Variants in SORCS2 observed in about 807,000 individuals in gnomAD.
SORCS2 encodes VPS10 domain-containing receptor SorCS2.
SORCS2 carries 100 observed loss-of-function variants against 141.6 expected under a neutral mutation model. The observed-to-expected ratio is 0.71, with a 90% CI of 0.60 to 0.83. The LOEUF is 0.83. SORCS2 is among the 40% of genes least tolerant of loss of function. The pLI is 0.00. For missense variants in SORCS2, 1,646 were observed against 1,560.2 expected (o/e 1.05, Z -0.93); for synonymous variants, 789 against 676.9 (o/e 1.17, Z -2.57).
chr4:7,259,733 T>C (rs1714185524), intron 1 of SORCS2, among the ~76,000 whole-genome samples: 6 of 152,234 alleles, frequency 3.9e-5, no homozygotes, highest in Admixed American at 3.9e-4. Flanking sequence ...CTTCTAGTCA[T>C]CATCTCATTC....
intron 1 of SORCS2, among the ~76,000 whole-genome samples, chr4:7,204,026 T>A (rs1418442968): frequency 6.6e-6 from 1 of 152,214 alleles, no homozygotes; most frequent in South Asian, 2.1e-4. Context: ...AATATTCCAC[T>A]GTATGGACAC....
chr4:7,656,438 C>T (rs2108904348), intron 5 of SORCS2, among the ~76,000 whole-genome samples: 1 of 152,386 alleles, frequency 6.6e-6, no homozygotes, highest in East Asian at 1.9e-4. Context: ...CCACGGCATC[C>T]CCACAGCAGC....
rs1722292053 is a variant in SORCS2, at chr4:7,663,240, T to G, written c.953-1113T>G. On this transcript the variant is annotated intron_variant, in intron 6 of 26. Coordinates refer to ENST00000507866, the MANE Select transcript of SORCS2 (RefSeq NM_020777.3). The surrounding 1 kb of genome is among the most constrained non-coding windows in gnomAD (Gnocchi z 4.8). ...AATGAGTGAGTGAAGAGTGAATAAG[T>G]GAGTGAGTGAAGAGTGAATAAGTGA... Among the ~76,000 whole-genome samples, 1 of 150,048 alleles carries G rather than the reference T, an allele frequency of 6.7e-6. No homozygotes were observed. The highest frequency in any genetic ancestry group is 1.5e-5 in the Non-Finnish European group (1 of 67,704).
intron 3 of SORCS2, among the ~76,000 whole-genome samples, chr4:7,594,251 G>A (rs1001823816): frequency 1.3e-5 from 2 of 152,152 alleles, no homozygotes; most frequent in Non-Finnish European, 2.9e-5. Context: ...CTACCTCTGC[G>A]GCTGTGGCAG....
intron 2 of SORCS2, among the ~76,000 whole-genome samples, chr4:7,468,700 T>G (rs1729776230): frequency 6.6e-6 from 1 of 152,244 alleles, no homozygotes; most frequent in African/African-American, 2.4e-5. Flanking sequence ...TCCCAGCTGC[T>G]TATTTTGGAT....
rs998367792 is a variant in SORCS2, at chr4:7,697,293, G to T, written c.1668+19G>T. Reference sequence around the variant, plus strand: ...GCGGCAGGTAAGCTGGCTGGGAGGTGCCTGGTACCCCCCACCCCATCCAGC... The same window carrying T: ...GCGGCAGGTAAGCTGGCTGGGAGGTTCCTGGTACCCCCCACCCCATCCAGC... On this transcript the variant is annotated intron_variant, in intron 12 of 26. Coordinates refer to ENST00000507866, the MANE Select transcript of SORCS2 (RefSeq NM_020777.3). 3 of 1,566,844 alleles carry T rather than the reference G, an allele frequency of 1.9e-6. No individual in the cohort carries two copies. The highest frequency in any genetic ancestry group is 2.6e-6 in the Non-Finnish European group (3 of 1,154,940).
rs930080057 is a variant in SORCS2, at chr4:7,664,711, C to T, written c.1071+240C>T. On this transcript the variant is annotated intron_variant, in intron 7 of 26. Coordinates refer to ENST00000507866, the MANE Select transcript of SORCS2 (RefSeq NM_020777.3). This position sits in a 1 kb window ranked among gnomAD's most constrained non-coding sequence, Gnocchi z 4.7. Reference sequence around the variant, plus strand: ...GGCTCCACCTCCCTTCTGGCCACCACGAACCTCCCAGCCACTCGGGGTCCC... The same window carrying T: ...GGCTCCACCTCCCTTCTGGCCACCATGAACCTCCCAGCCACTCGGGGTCCC... Among the ~76,000 whole-genome samples the T allele has an allele frequency of 2.6e-5, 4 of 152,202 alleles. No individual in the cohort carries two copies. Among genetic ancestry groups the T allele is most frequent in the Non-Finnish European group, 5.9e-5 (4 of 68,044 alleles).
At chr4:7,349,435 G>A (rs546663294) in intron 1 of SORCS2, among the ~76,000 whole-genome samples, 1 of 152,164 alleles carries the variant, frequency 6.6e-6, no homozygotes. Context: ...GGTGTGGGCT[G>A]GGTGTCCTGC....
intron 2 of SORCS2, among the ~76,000 whole-genome samples, chr4:7,427,568 G>A (rs766012929): frequency 1.4e-4 from 21 of 152,146 alleles, no homozygotes; most frequent in South Asian, 1.0e-3. Flanking sequence ...GTGTTAGTGC[G>A]TTCTTGGGTT....
intron 3 of SORCS2, among the ~76,000 whole-genome samples, chr4:7,600,825 A>G (rs144866379): frequency 3.9e-5 from 6 of 152,256 alleles, no homozygotes; most frequent in African/African-American, 1.4e-4. Flanking sequence ...ATGGAGATAC[A>G]CTAGTTTACT....
At chr4:7,417,720 C>T (rs759876531) in intron 2 of SORCS2, among the ~76,000 whole-genome samples, 1 of 152,204 alleles carries the variant, frequency 6.6e-6, no homozygotes, top group Non-Finnish European at 1.5e-5. Context: ...CAGGCGTGCA[C>T]TCCTCTGGTC....
chr4:7,729,911 G>T (rs1482503775), intron 23 of SORCS2, among the ~76,000 whole-genome samples, 199 bp downstream of exon 23: 6 of 152,166 alleles, frequency 3.9e-5, no homozygotes, highest in African/African-American at 1.2e-4. Flanking sequence ...TAAGGTCACT[G>T]CGGCAGAGGT....
At chr4:7,724,432 ATAATGGTGACAATG>A (rs1726904719) in intron 19 of SORCS2, among the ~76,000 whole-genome samples, 1 of 107,868 alleles carries the variant, frequency 9.3e-6, no homozygotes, top group African/African-American at 4.0e-5. Context: ...GGTGGTGGTG[ATAATGGTGACAATG>A]GTGGTGGTGA....
At chr4:7,644,181 G>T (rs1720908900) in intron 4 of SORCS2, among the ~76,000 whole-genome samples, 3 of 152,208 alleles carry the variant, frequency 2.0e-5, no homozygotes, top group South Asian at 2.1e-4. Flanking sequence ...CCACCAGGAA[G>T]TTTCTACCTC....
intron 3 of SORCS2, among the ~76,000 whole-genome samples, chr4:7,571,130 T>C (rs1402240975): frequency 1.3e-5 from 2 of 152,230 alleles, no homozygotes; most frequent in African/African-American, 2.4e-5. Flanking sequence ...CTCATGCTGG[T>C]GTTTGTTCAA....
intron 4 of SORCS2, among the ~76,000 whole-genome samples, chr4:7,643,821 T>C (rs1720885559): frequency 6.6e-6 from 1 of 152,118 alleles, no homozygotes; most frequent in South Asian, 2.1e-4. Context: ...TTGGCTGCTG[T>C]GAATATCAGC....
At chr4:7,511,030 C>A (rs373496186) in intron 2 of SORCS2, among the ~76,000 whole-genome samples, 2 of 152,316 alleles carry the variant, frequency 1.3e-5, no homozygotes, top group South Asian at 2.1e-4. Flanking sequence ...GGTCCCCAGA[C>A]CTTTCTGTTG....
intron 8 of SORCS2, among the ~76,000 whole-genome samples, chr4:7,669,933 G>A (rs1204635127): frequency 6.6e-6 from 1 of 152,226 alleles, no homozygotes; most frequent in Non-Finnish European, 1.5e-5. Flanking sequence ...GTACCTTGTT[G>A]AGCTAAGCCA....
At chr4:7,713,686 C>T (rs930982075) in intron 15 of SORCS2, among the ~76,000 whole-genome samples, 2 of 152,120 alleles carry the variant, frequency 1.3e-5, no homozygotes, top group Admixed American at 1.3e-4. Flanking sequence ...CAAGGGTGGG[C>T]GGTGCCTGCC....
Sources: allele counts gnomAD v4.1 joint callset (sites outside exome capture counted in the v4.1 genomes callset), GRCh38; gene constraint gnomAD v4.1.1; non-coding constraint Gnocchi (gnomAD v3.1); transcripts MANE v1.5; gene names NCBI Gene and HGNC (gene_info 2026-07-23, HGNC 2026-07-21).